The following WDR4 variants were observed in gnomAD, a reference collection of about 807,000 sequenced individuals.
WDR4 encodes tRNA (guanine-N(7)-)-methyltransferase non-catalytic subunit WDR4.
In WDR4, 47 loss-of-function variants were observed where a neutral mutation model predicts 48.6. The ratio of observed to expected loss-of-function variants is 0.97; its 90% CI spans 0.77 to 1.23. The LOEUF (loss-of-function observed/expected upper bound fraction) is 1.23. WDR4 is among the 50% of genes most tolerant of loss of function. The probability of loss-of-function intolerance (pLI) is 0.00; values close to 1 mark genes in which losing one functional copy is unlikely to be tolerated. For missense variants in WDR4, 606 were observed against 551.6 expected, an observed-to-expected ratio of 1.10 and a Z score of -0.99; for synonymous variants, 268 against 230.0, an observed-to-expected ratio of 1.17 and a Z score of -1.49.
At chr21:42,857,624 G>A (rs1324840815) in intron 6 of WDR4, among the ~76,000 whole-genome samples, 1 of 152,174 alleles carries the variant, frequency 6.6e-6, no homozygotes, top group Non-Finnish European at 1.5e-5. Context: ...TGCACTATCC[G>A]AGAATGGGTG....
At chr21:42,875,741 A>G (rs2058475019) in intron 2 of WDR4, among the ~76,000 whole-genome samples, 1 of 152,154 alleles carries the variant, frequency 6.6e-6, no homozygotes, top group Non-Finnish European at 1.5e-5. Flanking sequence ...ACTGAGCCAC[A>G]ATACCAATGA....
At chr21:42,869,339 C>G (rs373332254) in intron 3 of WDR4, among the ~76,000 whole-genome samples, 1 of 152,238 alleles carries the variant, frequency 6.6e-6, no homozygotes, top group African/African-American at 2.4e-5. Flanking sequence ...TGAACGGGAA[C>G]CCACACACTC....
intron 3 of WDR4, among the ~76,000 whole-genome samples, chr21:42,870,911 C>A (rs1172312259): frequency 6.6e-6 from 1 of 152,192 alleles, no homozygotes; most frequent in African/African-American, 2.4e-5. Context: ...CAGCCAGTGT[C>A]CGAAAGGCAA....
chr21:42,888,149 A>T, the WDR4 span, among the ~76,000 whole-genome samples: 4 of 152,190 alleles, frequency 2.6e-5, no homozygotes, highest in African/African-American at 9.6e-5. Flanking sequence ...ATATTTGTTG[A>T]AAAAAGCTAC....
At chr21:42,869,012 G>T (rs958815266) in intron 3 of WDR4, among the ~76,000 whole-genome samples, 6 of 152,208 alleles carry the variant, frequency 3.9e-5, no homozygotes, top group Non-Finnish European at 8.8e-5. Flanking sequence ...GCCCTGGCGG[G>T]GGGGAACAGG....
chr21:42,852,213 C>G (rs773565451), intron 10 of WDR4, 42 bp downstream of exon 10: 1 of 1,609,578 alleles, frequency 6.2e-7, no homozygotes. Context: ...GGGGACCGCG[C>G]TGGGTGTGAC....
In WDR4 at chr21:42,857,019, C is replaced by T. The variant is rs1284915146; in HGVS notation, c.628-1239G>A. Among the ~76,000 whole-genome samples, 3 of 152,186 alleles carry T rather than the reference C, an allele frequency of 2.0e-5. No homozygotes were observed. The East Asian group carries it at 5.8e-4, about 29-fold the overall frequency. ...GGCCAGGGAACAAATGCACCAGCCACAGAGAAGCCCGAGAGGTGCCAGGAC... is the reference window on the plus strand; with the variant it reads ...GGCCAGGGAACAAATGCACCAGCCATAGAGAAGCCCGAGAGGTGCCAGGAC... On this transcript the variant is annotated intron_variant, in intron 6 of 10. Coordinates refer to ENST00000398208, the MANE Select transcript of WDR4 (RefSeq NM_018669.6).
upstream of WDR4, among the ~76,000 whole-genome samples, chr21:42,883,346 C>T (rs1362175808): frequency 2.3e-5 from 3 of 128,888 alleles, no homozygotes; most frequent in East Asian, 2.2e-4. Flanking sequence ...ACTGGCAAGA[C>T]GACATAAGCA....
Position 42,850,791 on chromosome 21 carries a change from G to T in WDR4, c.1046-549C>A, listed in dbSNP as rs368679847. 1.4e-4 allele frequency among the ~76,000 whole-genome samples: 22 copies of T among 152,328 alleles called. 1 individual carries two copies. The South Asian group carries it at 2.1e-3, about 14-fold the overall frequency. ...GCCTTAAGGCATCGAGTGTGGGATAGCATGTTCTGCCGCCACAGGGAATGG... is the reference window on the plus strand; with the variant it reads ...GCCTTAAGGCATCGAGTGTGGGATATCATGTTCTGCCGCCACAGGGAATGG... On this transcript the variant is annotated intron_variant, in intron 10 of 10. Coordinates refer to ENST00000398208, the MANE Select transcript of WDR4 (RefSeq NM_018669.6).
At chr21:42,863,412 TC>T (rs1223905839) in intron 4 of WDR4, 27 bp downstream of exon 4, 4 of 1,588,076 alleles carry the variant, frequency 2.5e-6, no homozygotes, top group Non-Finnish European at 3.4e-6. Context: ...ACCTGCCATG[TC>T]CCCCACCTAC....
At position 42,876,747 on chromosome 21, in the gene WDR4, A is replaced by G; in HGVS notation, c.110T>C (p.Ile37Thr). ...IASSDDDSLF[I>T]YDCSAAEKKS... ...CTTTTCTGCAGCACTGCAGTCATAGATGAAGAGGCTGTCATCATCACTAAA... is the reference window on the plus strand; with the variant it reads ...CTTTTCTGCAGCACTGCAGTCATAGGTGAAGAGGCTGTCATCATCACTAAA... The change falls in exon 2 of 11, where the codon ATC becomes ACC. Residue 37 changes from isoleucine to threonine, a missense_variant. Physicochemically the swap from Ile to Thr is moderately conservative, Grantham distance 89. Coordinates refer to ENST00000398208, the MANE Select transcript of WDR4 (RefSeq NM_018669.6). The G allele has an allele frequency of 6.2e-7, 1 of 1,613,596 alleles. No homozygotes were observed. Among genetic ancestry groups the G allele is most frequent in the Non-Finnish European group, 8.5e-7 (1 of 1,179,804 alleles).
intron 1 of WDR4, 106 bp from the exon 2 acceptor site, chr21:42,876,873 C>G: frequency 9.7e-7 from 1 of 1,028,248 alleles, no homozygotes; most frequent in South Asian, 1.7e-5. Context: ...GGCTCCAGTA[C>G]AATGGCACGA....
At chr21:42,867,728 G>GC (rs2058280868) in intron 3 of WDR4, among the ~76,000 whole-genome samples, 1 of 151,516 alleles carries the variant, frequency 6.6e-6, no homozygotes, top group African/African-American at 2.4e-5. Flanking sequence ...TTGGACTTGT[G>GC]CTTTTTTTTT....
chr21:42,855,504 T>C (rs375090957), intron 7 of WDR4, among the ~76,000 whole-genome samples, 178 bp downstream of exon 7: 2 of 152,170 alleles, frequency 1.3e-5, no homozygotes, highest in Admixed American at 6.5e-5. Context: ...GACAAATTAT[T>C]TCCCACTGAC....
chr21:42,861,743 T>C (rs1270944615), intron 5 of WDR4, among the ~76,000 whole-genome samples: 1 of 152,240 alleles, frequency 6.6e-6, no homozygotes, highest in Non-Finnish European at 1.5e-5. Flanking sequence ...ATAATATATT[T>C]TAAAACATTT....
the WDR4 span, among the ~76,000 whole-genome samples, chr21:42,890,537 A>C: frequency 1.3e-5 from 2 of 152,322 alleles, no homozygotes; most frequent in African/African-American, 4.8e-5. Context: ...CTCCGTCTCA[A>C]AAAAAAGAAG....
chr21:42,888,224 G>C, the WDR4 span, among the ~76,000 whole-genome samples: 1 of 152,110 alleles, frequency 6.6e-6, no homozygotes, highest in Non-Finnish European at 1.5e-5. Flanking sequence ...AGCGAACATA[G>C]ATAGATACAT....
In WDR4 at chr21:42,862,638, G is replaced by C. The variant is rs537997680; in HGVS notation, c.454-244C>G. ...CTCCTCAGTGCTAGAGCAGGCTTCT[G>C]GGGTGGGGCAGTGCCACCCCTGCCT... On this transcript the variant is annotated intron_variant, in intron 4 of 10. Transcript: ENST00000398208. The surrounding 1 kb of genome is among the most constrained non-coding windows in gnomAD (Gnocchi z 4.3). 6.6e-6 allele frequency among the ~76,000 whole-genome samples: 1 copy of C among 152,086 alleles called. No individual in the cohort carries two copies. Among genetic ancestry groups the C allele is most frequent in the East Asian group, 1.9e-4 (1 of 5,176 alleles).
At chr21:42,853,038 AG>A (rs1419667666) in intron 9 of WDR4, among the ~76,000 whole-genome samples, 1 of 152,106 alleles carries the variant, frequency 6.6e-6, no homozygotes, top group African/African-American at 2.4e-5. Flanking sequence ...CTCCGTTACC[AG>A]GAGCGATGCA....
Sources: gnomAD v4.1 joint callset for allele counts (sites outside exome capture counted in the v4.1 genomes callset) on GRCh38, gnomAD v4.1.1 for gene constraint, Gnocchi (gnomAD v3.1) non-coding constraint, MANE v1.5 for transcripts, NCBI Gene and HGNC (gene_info 2026-07-23, HGNC 2026-07-21) for gene names.